WWOX: variants seen among roughly 807,000 people sequenced by gnomAD.
WWOX encodes the protein WW domain containing oxidoreductase, also known as WW domain-containing oxidoreductase.
WWOX carries 69 observed loss-of-function variants against 46.2 expected under a neutral mutation model. The ratio of observed to expected loss-of-function variants is 1.49; its 90% CI spans 1.23 to 1.82. WWOX has a LOEUF of 1.82. Among genes scored for constraint, WWOX ranks in the 40% most tolerant of loss-of-function variants. The pLI is 0.00. For synonymous variants in WWOX, 359 were observed against 202.6 expected (o/e 1.77, Z -6.56); for missense variants, 919 against 542.6 (o/e 1.69, Z -6.89).
intron 5 of WWOX, among the ~76,000 whole-genome samples, chr16:78,319,098 G>C (rs2080413317): frequency 6.6e-6 from 1 of 152,078 alleles, no homozygotes; most frequent in African/African-American, 2.4e-5. Context: ...GGGAGAGAGA[G>C]TCGGATGAGT....
At chr16:79,051,290 G>C (rs989851677) in intron 8 of WWOX, among the ~76,000 whole-genome samples, 1 of 152,156 alleles carries the variant, frequency 6.6e-6, no homozygotes, top group Admixed American at 6.5e-5. Flanking sequence ...ATGCGCAGGA[G>C]ACCCTACTAA....
chr16:79,189,243 C>T (rs1417764682), intron 8 of WWOX, among the ~76,000 whole-genome samples: 1 of 151,862 alleles, frequency 6.6e-6, no homozygotes, highest in Non-Finnish European at 1.5e-5. Flanking sequence ...ATTAGGAAAG[C>T]CTATTTCTTT....
intron 5 of WWOX, among the ~76,000 whole-genome samples, chr16:78,268,533 T>G (rs1006827559): frequency 6.6e-6 from 1 of 152,198 alleles, no homozygotes; most frequent in African/African-American, 2.4e-5. Context: ...GGTCCAAAGC[T>G]GCATAGGTTG....
chr16:78,996,209 T>A (rs1001496978), intron 8 of WWOX: 2 of 985,172 alleles, frequency 2.0e-6, no homozygotes, highest in African/African-American at 1.7e-5. Context: ...TAGAAATTTT[T>A]GAAGACTTGT....
chr16:78,787,926 G>C (rs74931545), intron 8 of WWOX, among the ~76,000 whole-genome samples: 1 of 152,096 alleles, frequency 6.6e-6, no homozygotes, highest in African/African-American at 2.4e-5. Context: ...GTGGTTATTG[G>C]TTATTTGTAT....
intron 8 of WWOX, among the ~76,000 whole-genome samples, chr16:79,136,504 C>T (rs1053386024): frequency 6.6e-6 from 1 of 152,170 alleles, no homozygotes; most frequent in African/African-American, 2.4e-5. Context: ...GCTGGGATTA[C>T]AGGCGTGAGC....
At chr16:78,993,264 G>T (rs2046923857) in intron 8 of WWOX, among the ~76,000 whole-genome samples, 1 of 151,926 alleles carries the variant, frequency 6.6e-6, no homozygotes, top group African/African-American at 2.4e-5. Flanking sequence ...TACTATTTGG[G>T]GGTGGGGGGA....
chr16:78,423,769 C>G (rs8063754), intron 6 of WWOX, among the ~76,000 whole-genome samples: 20,822 of 150,866 alleles, frequency 0.14, 2,481 homozygotes, highest in African/African-American at 0.32. Flanking sequence ...TCGTCTGAGC[C>G]TGGGAGTTTG....
At chr16:78,588,850 G>A (rs774521829) in intron 8 of WWOX, among the ~76,000 whole-genome samples, 2 of 152,186 alleles carry the variant, frequency 1.3e-5, no homozygotes, top group African/African-American at 4.8e-5. Flanking sequence ...CAGGGTGGTG[G>A]TAGTGGTGAT....
chr16:78,933,390 G>C (rs60140342), intron 8 of WWOX, among the ~76,000 whole-genome samples: 7 of 152,236 alleles, frequency 4.6e-5, no homozygotes, highest in Non-Finnish European at 1.0e-4. Flanking sequence ...GTTGAGCCAA[G>C]ATTGTGCCAC....
chr16:78,671,973 C>T (rs2047475367), intron 8 of WWOX, among the ~76,000 whole-genome samples: 1 of 152,016 alleles, frequency 6.6e-6, no homozygotes, highest in Non-Finnish European at 1.5e-5. Context: ...AAAATATGAT[C>T]CTTGGCAGTC....
intron 8 of WWOX, among the ~76,000 whole-genome samples, chr16:78,725,142 GT>G (rs1206617884): frequency 1.3e-5 from 2 of 151,928 alleles, no homozygotes; most frequent in Admixed American, 6.6e-5. Flanking sequence ...AGATCTGATG[GT>G]TTTATAAGGG....
chr16:78,837,303 A>G (rs78290845), intron 8 of WWOX, among the ~76,000 whole-genome samples: 11,518 of 152,216 alleles, frequency 0.076, 592 homozygotes, highest in Middle Eastern at 0.13. Flanking sequence ...TTCTTCCAAC[A>G]CTTAGAGAAG....
rs147820731 is a variant in WWOX at position 78,727,384 on chromosome 16, C to G, written c.1056+294632C>G. 1.2e-3 allele frequency among the ~76,000 whole-genome samples: 185 copies of G among 152,294 alleles called. 2 individuals are homozygous for G. Among genetic ancestry groups the G allele is most frequent in the African/African-American group, 4.0e-3 (166 of 41,570 alleles). ...TGGGTGACAGAGCAAGACTCCATCTCAAAGCGAAACAAAACAAATGAGGGT... is the reference window on the plus strand; with the variant it reads ...TGGGTGACAGAGCAAGACTCCATCTGAAAGCGAAACAAAACAAATGAGGGT... On this transcript the variant is annotated intron_variant, in intron 8 of 8. Transcript: ENST00000566780.
At chr16:78,691,118 T>C (rs2047977494) in intron 8 of WWOX, 6 of 637,404 alleles carry the variant, frequency 9.4e-6, no homozygotes, top group Non-Finnish European at 1.7e-5. Flanking sequence ...ATACCAGTCG[T>C]TATTGCTTTA....
chr16:78,602,133 T>C (rs936374979), intron 8 of WWOX, among the ~76,000 whole-genome samples: 2 of 152,264 alleles, frequency 1.3e-5, no homozygotes, highest in Admixed American at 6.5e-5. Flanking sequence ...ATCACACTAG[T>C]AGAATCTCTC....
intron 7 of WWOX, 57 bp downstream of exon 7, chr16:78,425,112 C>G (rs978830011): frequency 7.8e-5 from 124 of 1,598,396 alleles, no homozygotes; most frequent in Non-Finnish European, 1.0e-4. Context: ...AGCTAATATT[C>G]CCCCAAGGCT....
intron 8 of WWOX, among the ~76,000 whole-genome samples, chr16:78,553,651 C>G (rs1017072273): frequency 6.6e-6 from 1 of 152,076 alleles, no homozygotes; most frequent in African/African-American, 2.4e-5. Context: ...GGAGGGATGC[C>G]TGTGGCCAAT....
intron 8 of WWOX, among the ~76,000 whole-genome samples, chr16:78,542,852 A>C (rs1035835543): frequency 6.6e-6 from 1 of 152,188 alleles, no homozygotes; most frequent in African/African-American, 2.4e-5. Context: ...TCTCAGTTAA[A>C]ACCCAAACGA....
Sources: gnomAD v4.1 joint callset for allele counts (sites outside exome capture counted in the v4.1 genomes callset) on GRCh38, gnomAD v4.1.1 for gene constraint, MANE v1.5 for transcripts, NCBI Gene and HGNC (gene_info 2026-07-23, HGNC 2026-07-21) for gene names.